Variants in SPOCK1 observed in about 807,000 individuals in gnomAD.
SPOCK1 encodes the protein testican-1.
Under a neutral mutation model 55.3 loss-of-function variants are expected in SPOCK1, and 23 were observed. The ratio of observed to expected loss-of-function variants is 0.42; its 90% CI spans 0.30 to 0.59. The LOEUF is 0.59. Ranked by LOEUF, SPOCK1 falls within the 20% of genes least tolerant of loss-of-function variation. SPOCK1 has a pLI of 0.22. For synonymous variants in SPOCK1, 226 were observed against 221.0 expected (o/e 1.02, Z -0.20); for missense variants, 499 against 552.5 (o/e 0.90, Z 0.97).
At chr5:137,120,312 A>G (rs1182394772) in intron 4 of SPOCK1, among the ~76,000 whole-genome samples, 1 of 152,204 alleles carries the variant, frequency 6.6e-6, no homozygotes, top group Non-Finnish European at 1.5e-5. Context: ...CAAAACTCCT[A>G]GGAAAAGTGC....
chr5:137,385,676 T>C (rs917813869), intron 2 of SPOCK1, among the ~76,000 whole-genome samples: 1 of 152,196 alleles, frequency 6.6e-6, no homozygotes, highest in Non-Finnish European at 1.5e-5. Flanking sequence ...AGTGCTGAGA[T>C]TGAGCCCACA....
At chr5:137,449,342 C>G (rs559500826) in intron 2 of SPOCK1, among the ~76,000 whole-genome samples, 1 of 152,210 alleles carries the variant, frequency 6.6e-6, no homozygotes. Flanking sequence ...TCTGCTCTAC[C>G]CCACCTCTCT....
chr5:137,198,569 A>G (rs1203499297), intron 3 of SPOCK1, among the ~76,000 whole-genome samples: 1 of 152,218 alleles, frequency 6.6e-6, no homozygotes, highest in African/African-American at 2.4e-5. Flanking sequence ...AAACTTTTTC[A>G]TGCTAATTGT....
chr5:137,385,287 A>G (rs1751575748), intron 2 of SPOCK1, among the ~76,000 whole-genome samples: 1 of 152,138 alleles, frequency 6.6e-6, no homozygotes, highest in Admixed American at 6.5e-5. Flanking sequence ...CCGTGGTCTC[A>G]GTGTCAAGAT....
chr5:137,377,410 C>T (rs1388995413), intron 2 of SPOCK1, among the ~76,000 whole-genome samples: 1 of 152,174 alleles, frequency 6.6e-6, no homozygotes, highest in Admixed American at 6.5e-5. Context: ...TCCTCTTCCT[C>T]CTGAGTCTTA....
intron 2 of SPOCK1, among the ~76,000 whole-genome samples, chr5:137,370,803 G>A (rs1030017754): frequency 1.8e-4 from 27 of 152,330 alleles, no homozygotes; most frequent in African/African-American, 5.8e-4. Context: ...TTTAAGCAGC[G>A]TTGGCAAAGT....
At chr5:137,145,180 C>A (rs1394492917) in intron 3 of SPOCK1, among the ~76,000 whole-genome samples, 1 of 152,036 alleles carries the variant, frequency 6.6e-6, no homozygotes, top group East Asian at 1.9e-4. Flanking sequence ...AGGAACAAAC[C>A]AAGAATGAAT....
Position 137,256,879 on chromosome 5 carries a change from C to T in SPOCK1, c.232+10131G>A, listed in dbSNP as rs186714562. Among the ~76,000 whole-genome samples, 8 of 152,256 alleles carry T rather than the reference C, an allele frequency of 5.3e-5. 1 individual carries two copies. The South Asian group carries it at 6.2e-4, about 12-fold the overall frequency. ...ACAAACAGCCCAAAGGCACATTTAC[C>T]GTCTTGCTGTATTTTTTTAATAATT... On this transcript the variant is annotated intron_variant, in intron 3 of 10. Coordinates refer to ENST00000394945, the MANE Select transcript of SPOCK1 (RefSeq NM_004598.4).
At position 137,019,432 on chromosome 5, in the gene SPOCK1, T is replaced by C. The variant is rs187774117; in HGVS notation, c.590-26832A>G. On this transcript the variant is annotated intron_variant, in intron 6 of 10. Transcript: ENST00000394945. ...TAGGATTGTATTGTGAGTGTATTCC[T>C]ATACTATCACATTACCTTTTAAAAC... Among the ~76,000 whole-genome samples the C allele has an allele frequency of 5.8e-3, 876 of 152,276 alleles. 4 individuals carry two copies. The highest frequency in any genetic ancestry group is 8.6e-3 in the Admixed American group (132 of 15,300).
intron 3 of SPOCK1, among the ~76,000 whole-genome samples, chr5:137,253,251 T>C (rs1756571135): frequency 6.6e-6 from 1 of 152,232 alleles, no homozygotes; most frequent in Non-Finnish European, 1.5e-5. Context: ...ACTGAAGCTC[T>C]ACAATGAGTG....
chr5:137,328,149 C>A (rs1448524892), intron 2 of SPOCK1, among the ~76,000 whole-genome samples: 1 of 152,196 alleles, frequency 6.6e-6, no homozygotes, highest in Non-Finnish European at 1.5e-5. Flanking sequence ...AAATCTGTGC[C>A]AGTAAACCAC....
chr5:137,362,366 G>A (rs958522608), intron 2 of SPOCK1, among the ~76,000 whole-genome samples: 7 of 140,316 alleles, frequency 5.0e-5, no homozygotes, highest in Non-Finnish European at 1.5e-5. Context: ...GTCTCGCTCT[G>A]TTGCCCAGGC....
At chr5:137,385,057 G>A (rs1344764571) in intron 2 of SPOCK1, among the ~76,000 whole-genome samples, 1 of 152,118 alleles carries the variant, frequency 6.6e-6, no homozygotes, top group African/African-American at 2.4e-5. Flanking sequence ...GCTTTGCACA[G>A]TATCAGGCAC....
intron 3 of SPOCK1, among the ~76,000 whole-genome samples, chr5:137,228,050 T>C (rs1024984134): frequency 2.0e-5 from 3 of 152,216 alleles, no homozygotes; most frequent in African/African-American, 7.2e-5. Flanking sequence ...CTTTGCATTT[T>C]CTCCTCTTCA....
chr5:137,116,916 G>T (rs1753596532), intron 4 of SPOCK1, among the ~76,000 whole-genome samples: 1 of 152,070 alleles, frequency 6.6e-6, no homozygotes, highest in Non-Finnish European at 1.5e-5. Context: ...CTGTGGCCTG[G>T]CTAAAATATC....
At chr5:137,233,770 G>GATCTCAC (rs1469699682) in intron 3 of SPOCK1, among the ~76,000 whole-genome samples, 4 of 107,914 alleles carry the variant, frequency 3.7e-5, no homozygotes, top group Non-Finnish European at 5.1e-5. Flanking sequence ...TGACTTTGCC[G>GATCTCAC]ATCTCACTTA....
At chr5:137,485,723 C>T (rs1002562154) in intron 2 of SPOCK1, among the ~76,000 whole-genome samples, 1 of 151,604 alleles carries the variant, frequency 6.6e-6, no homozygotes, top group Non-Finnish European at 1.5e-5. Context: ...ATTTTAAAAA[C>T]ACACACACAA....
intron 2 of SPOCK1, among the ~76,000 whole-genome samples, chr5:137,421,931 G>C (rs1379507355): frequency 6.6e-6 from 1 of 152,332 alleles, no homozygotes; most frequent in South Asian, 2.1e-4. Context: ...TGCAGTGGCT[G>C]GTACCAGTTG....
chr5:137,161,925 C>CACAA lies in SPOCK1; in HGVS notation c.233-21232_233-21231insTTGT, dbSNP rs1393988029. Reference sequence around the variant, plus strand: ...GGTAAGATCTAAGAGTTGTCACTCCCTATTCTCATCTTTGGTGATATATTG... The same window carrying CACAA: ...GGTAAGATCTAAGAGTTGTCACTCCCACAATATTCTCATCTTTGGTGATATATTG... On this transcript the variant is annotated intron_variant, in intron 3 of 10. Transcript: ENST00000394945. Among the ~76,000 whole-genome samples the CACAA allele has an allele frequency of 4.6e-5, 7 of 152,258 alleles. No homozygotes were observed. In the East Asian group the frequency reaches 1.4e-3, roughly 29 times the overall value.
Sources: gnomAD v4.1 joint callset for allele counts (sites outside exome capture counted in the v4.1 genomes callset) on GRCh38, gnomAD v4.1.1 for gene constraint, MANE v1.5 for transcripts, NCBI Gene and HGNC (gene_info 2026-07-23, HGNC 2026-07-21) for gene names.